OSBP2: variants seen among roughly 807,000 people sequenced by gnomAD.
The protein encoded by OSBP2 is oxysterol-binding protein 2.
Under a neutral mutation model 96.0 loss-of-function variants are expected in OSBP2, and 66 were observed. The ratio of observed to expected loss-of-function variants is 0.69; its 90% CI spans 0.56 to 0.84. The LOEUF (loss-of-function observed/expected upper bound fraction) is 0.84, where lower values mean the gene tolerates loss of function less well. Ranked by LOEUF, OSBP2 falls within the 40% of genes least tolerant of loss-of-function variation. OSBP2 has a pLI of 0.00. For missense variants in OSBP2, 1,038 were observed against 1,222.7 expected (o/e 0.85, Z 2.25); for synonymous variants, 525 against 520.9 (o/e 1.01, Z -0.11).
intron 2 of OSBP2, among the ~76,000 whole-genome samples, chr22:30,825,680 T>C (rs992757254): frequency 6.6e-6 from 1 of 152,176 alleles, no homozygotes; most frequent in Non-Finnish European, 1.5e-5. Context: ...GGAACGTAAG[T>C]CACGAGAGCA....
chr22:30,715,624 T>C (rs2089439546), intron 1 of OSBP2, among the ~76,000 whole-genome samples: 1 of 151,592 alleles, frequency 6.6e-6, no homozygotes, highest in Admixed American at 6.6e-5. Context: ...CCATCTCGGC[T>C]CACTGCAACC....
intron 1 of OSBP2, 23 bp downstream of exon 1, chr22:30,695,576 C>T (rs2089013682): frequency 3.1e-6 from 5 of 1,588,006 alleles, no homozygotes; most frequent in Non-Finnish European, 4.3e-6. Context: ...CAGGGTGGGA[C>T]ATGGGGGTTG....
At chr22:30,771,539 G>A (rs780634582) in intron 2 of OSBP2, among the ~76,000 whole-genome samples, 5 of 152,200 alleles carry the variant, frequency 3.3e-5, no homozygotes, top group Admixed American at 1.3e-4. Context: ...CTTCCATGTG[G>A]TTCCAGAGCC....
Position 30,906,449 on chromosome 22 carries a change from C to A in OSBP2, c.*110C>A. 3 of 1,306,242 alleles carry A rather than the reference C, an allele frequency of 2.3e-6. No homozygotes were observed. The highest frequency in any genetic ancestry group is 3.1e-6 in the Non-Finnish European group (3 of 981,338). The allele number at this position is 1,306,242 out of a possible 1,614,324, so 80.9% of individuals were successfully genotyped here. A position where few individuals can be genotyped will look rare whatever the true frequency, so the allele number is the denominator to read the frequency against. On this transcript the variant is annotated 3_prime_UTR_variant, in exon 14 of 14. Coordinates refer to ENST00000332585, the MANE Select transcript of OSBP2 (RefSeq NM_030758.4). ...TTCTCCCAGCCCATTCCCAGCCCTT[C>A]CTATTTCCTTTCCTATTTTTTTTTT...
rs113224199 is a variant in OSBP2, at chr22:30,888,744, T to G, written c.1418+404T>G. 8.5e-3 allele frequency among the ~76,000 whole-genome samples: 1,287 copies of G among 152,136 alleles called. 17 individuals are homozygous for G. Among genetic ancestry groups the G allele is most frequent in the African/African-American group, 0.03 (1,240 of 41,502 alleles). ...CCTGTCTCAAAAAATCAATAATCTA[T>G]CGGTCTTGCTCCAGATGGGATTTCA... On this transcript the variant is annotated intron_variant, in intron 5 of 13. Coordinates refer to ENST00000332585, the MANE Select transcript of OSBP2 (RefSeq NM_030758.4).
At chr22:30,730,809 A>AT (rs1322802087) in intron 1 of OSBP2, among the ~76,000 whole-genome samples, 972 of 21,018 alleles carry the variant, frequency 0.046, 130 homozygotes, top group Middle Eastern at 0.083. Flanking sequence ...TATATATATA[A>AT]TTTTTTTTTT....
In OSBP2 at chr22:30,870,626, A is replaced by G; in HGVS notation, c.1051A>G (p.Lys351Glu). The G allele has an allele frequency of 1.9e-6, 3 of 1,613,932 alleles. No individual in the cohort carries two copies. The highest frequency in any genetic ancestry group is 2.5e-6 in the Non-Finnish European group (3 of 1,180,002). The change falls in exon 3 of 14, where the codon AAG becomes GAG. Residue 351 changes from lysine (K) to glutamate (E), a missense_variant. Coordinates refer to ENST00000332585, the MANE Select transcript of OSBP2 (RefSeq NM_030758.4). This position sits in a 1 kb window ranked among gnomAD's most constrained non-coding sequence, Gnocchi z 4.1. ...KIPSESGEKLKVVNERATLFR... is the reference protein window; with the variant it reads ...KIPSESGEKLEVVNERATLFR... Reference sequence around the variant, plus strand: ...CCCATCTGAGAGTGGGGAGAAGCTGAAGGTGGTGAATGAGCGGGCCACCCT... The same window carrying G: ...CCCATCTGAGAGTGGGGAGAAGCTGGAGGTGGTGAATGAGCGGGCCACCCT...
At chr22:30,725,795 T>A (rs1366568287) in intron 1 of OSBP2, among the ~76,000 whole-genome samples, 1 of 151,798 alleles carries the variant, frequency 6.6e-6, no homozygotes, top group Non-Finnish European at 1.5e-5. Flanking sequence ...AGAGTCTTTT[T>A]TTTTTTTTTC....
chr22:30,738,486 A>G (rs1349572091), intron 1 of OSBP2, among the ~76,000 whole-genome samples: 1 of 152,154 alleles, frequency 6.6e-6, no homozygotes, highest in Non-Finnish European at 1.5e-5. Flanking sequence ...GCTACACGTC[A>G]TCTTCTCTAA....
chr22:30,740,721 C>G lies in OSBP2; in HGVS notation c.645-440C>G, dbSNP rs539684128. On this transcript the variant is annotated intron_variant, in intron 1 of 13. Coordinates refer to ENST00000332585, the MANE Select transcript of OSBP2 (RefSeq NM_030758.4). Reference sequence around the variant, plus strand: ...TTGGCTCATGACCTCAAGTGATCTGCCCTCCTCGGTCTCCCAAAGTGCTGA... The same window carrying G: ...TTGGCTCATGACCTCAAGTGATCTGGCCTCCTCGGTCTCCCAAAGTGCTGA... Among the ~76,000 whole-genome samples, 8 of 152,224 alleles carry G rather than the reference C, an allele frequency of 5.3e-5. 1 individual carries two copies. The highest frequency in any genetic ancestry group is 1.9e-4 in the African/African-American group (8 of 41,542).
chr22:30,714,747 G>T (rs2145692118), intron 1 of OSBP2, among the ~76,000 whole-genome samples: 1 of 152,248 alleles, frequency 6.6e-6, no homozygotes, highest in African/African-American at 2.4e-5. Context: ...CTCCCGAGTA[G>T]CTGGGATTAC....
chr22:30,731,824 A>G (rs1019850608), intron 1 of OSBP2, among the ~76,000 whole-genome samples: 5 of 152,186 alleles, frequency 3.3e-5, no homozygotes, highest in Non-Finnish European at 7.3e-5. Flanking sequence ...AAACAAGGTC[A>G]TCTGCTGCTG....
chr22:30,869,874 C>T (rs1030081136), intron 2 of OSBP2, among the ~76,000 whole-genome samples: 2 of 152,096 alleles, frequency 1.3e-5, no homozygotes, highest in Non-Finnish European at 2.9e-5. Context: ...CGGGAAAGGC[C>T]CCAAACAGGA....
In OSBP2 at chr22:30,877,097, C is replaced by A. The variant is rs1410174789; in HGVS notation, c.1107+6415C>A. ...CAGTATCTCTCACAATCCCCGTAGC[C>A]CTGTAGCCTCTATGCCTGGCTCAGA... On this transcript the variant is annotated intron_variant, in intron 3 of 13. Coordinates refer to ENST00000332585, the MANE Select transcript of OSBP2 (RefSeq NM_030758.4). 2.6e-5 allele frequency among the ~76,000 whole-genome samples: 4 copies of A among 152,102 alleles called. No individual in the cohort carries two copies. The East Asian group carries it at 7.7e-4, about 29-fold the overall frequency.
chr22:30,770,172 T>C (rs1267060838), intron 2 of OSBP2, among the ~76,000 whole-genome samples: 1 of 149,332 alleles, frequency 6.7e-6, no homozygotes, highest in East Asian at 2.0e-4. Context: ...CAATCTCAGC[T>C]CACTGCAACC....
chr22:30,872,656 T>C (rs1288576820), intron 3 of OSBP2: 1 of 348,564 alleles, frequency 2.9e-6, no homozygotes, highest in Admixed American at 4.0e-5. Flanking sequence ...GGTGTTAGCC[T>C]GCCATGAGGG....
rs546104380 is a variant in OSBP2 at position 30,796,667 on chromosome 22, A to G, written c.853+55298A>G. On this transcript the variant is annotated intron_variant, in intron 2 of 13. Coordinates refer to ENST00000332585, the MANE Select transcript of OSBP2 (RefSeq NM_030758.4). ...ATTACAGGCTCATGCCACCAAGCCC[A>G]GCTAATTTTTATATTTTTAGTAGAG... Among the ~76,000 whole-genome samples the G allele has an allele frequency of 4.6e-5, 7 of 152,166 alleles. No homozygotes were observed. The South Asian group carries it at 1.5e-3, about 32-fold the overall frequency.
intron 12 of OSBP2, among the ~76,000 whole-genome samples, chr22:30,896,208 C>T (rs148802384): frequency 0.034 from 5,152 of 151,866 alleles, 253 homozygotes; most frequent in African/African-American, 0.11. Flanking sequence ...TTAGTAAAGA[C>T]GGGGTTTCAC....
At chr22:30,787,390 G>C (rs1297577552) in intron 2 of OSBP2, among the ~76,000 whole-genome samples, 1 of 151,916 alleles carries the variant, frequency 6.6e-6, no homozygotes, top group East Asian at 1.9e-4. Context: ...AGAATGGTCG[G>C]GGCCGGATGC....
Sources: allele counts gnomAD v4.1 joint callset (sites outside exome capture counted in the v4.1 genomes callset), GRCh38; gene constraint gnomAD v4.1.1; non-coding constraint Gnocchi (gnomAD v3.1); transcripts MANE v1.5; gene names NCBI Gene and HGNC (gene_info 2026-07-23, HGNC 2026-07-21).